PLXNA2: variants seen among roughly 807,000 people sequenced by gnomAD.
The protein encoded by PLXNA2 is plexin-A2.
PLXNA2 carries 91 observed loss-of-function variants against 193.5 expected under a neutral mutation model. That is an observed-to-expected ratio of 0.47 (90% CI 0.40 to 0.56). The LOEUF (loss-of-function observed/expected upper bound fraction) is 0.56. Ranked by LOEUF, PLXNA2 falls within the 20% of genes least tolerant of loss-of-function variation. The pLI is 0.00. For synonymous variants in PLXNA2, 997 were observed against 1,027.3 expected, an observed-to-expected ratio of 0.97 and a Z score of 0.56; for missense variants, 1,995 against 2,503.2, an observed-to-expected ratio of 0.80 and a Z score of 4.33.
chr1:208,059,308 C>A (rs1198168999), intron 13 of PLXNA2, among the ~76,000 whole-genome samples: 1 of 152,232 alleles, frequency 6.6e-6, no homozygotes, highest in Admixed American at 6.5e-5. Context: ...GTCCTATAGG[C>A]CCAGCCAGCC....
intron 3 of PLXNA2, among the ~76,000 whole-genome samples, chr1:208,191,952 C>T (rs773014708): frequency 1.4e-4 from 21 of 152,156 alleles, no homozygotes; most frequent in African/African-American, 1.9e-4. Flanking sequence ...CAGGGATCCA[C>T]GAGGCGATTC....
At position 208,217,703 on chromosome 1, in the gene PLXNA2, T is replaced by A. The variant is rs1338215116; in HGVS notation, c.220A>T (p.Thr74Ser). 1.2e-6 allele frequency: 2 copies of A among 1,614,208 alleles called. No individual in the cohort carries two copies. Among genetic ancestry groups the A allele is most frequent in the Non-Finnish European group, 1.7e-6 (2 of 1,180,036 alleles). The change falls in exon 2 of 32, where the codon ACA becomes TCA. Residue 74 changes from threonine (T) to serine (S), a missense_variant. Thr to Ser is a moderately conservative substitution (Grantham distance 58, BLOSUM62 1). Coordinates refer to ENST00000367033, the MANE Select transcript of PLXNA2 (RefSeq NM_025179.4). This position sits in a 1 kb window ranked among gnomAD's most constrained non-coding sequence, Gnocchi z 4.7. ...VGAINRVYKL[T>S]GNLTIQVAHK... ...GCCACCTGGATGGTCAGGTTGCCTG[T>A]CAGCTTATAGACCCGGTTGATGGCC...
Position 208,180,110 on chromosome 1 carries a change from T to G in PLXNA2, c.1371+30170A>C, listed in dbSNP as rs116862989. Among the ~76,000 whole-genome samples, 2,470 of 151,708 alleles carry G rather than the reference T, an allele frequency of 0.016. 117 individuals carry two copies. The East Asian group carries it at 0.19, about 11-fold the overall frequency. On this transcript the variant is annotated intron_variant, in intron 3 of 31. Coordinates refer to ENST00000367033, the MANE Select transcript of PLXNA2 (RefSeq NM_025179.4). ...ATGCAGTGACTTGTGAACATGTGCT[T>G]GGGTTGTTCCTCCTCCACAACAGGC... is the stretch of plus-strand genomic sequence containing the variant.
At chr1:208,091,914 G>A (rs914413872) in intron 9 of PLXNA2, among the ~76,000 whole-genome samples, 2 of 150,390 alleles carry the variant, frequency 1.3e-5, no homozygotes, top group African/African-American at 4.9e-5. Context: ...ATGCTACATT[G>A]TCACTTATTA....
At chr1:208,116,249 T>C (rs905588636) in intron 4 of PLXNA2, among the ~76,000 whole-genome samples, 2 of 152,250 alleles carry the variant, frequency 1.3e-5, no homozygotes, top group African/African-American at 4.8e-5. Flanking sequence ...GCCTGCCCAA[T>C]TGGCATGAGT....
intron 21 of PLXNA2, 21 bp from the exon 22 acceptor site, chr1:208,042,387 G>C: frequency 6.2e-7 from 1 of 1,607,968 alleles, no homozygotes; most frequent in African/African-American, 1.3e-5. Flanking sequence ...GTGTGGTGGA[G>C]GCGACGCCCT....
Position 208,216,876 on chromosome 1 carries a change from C to G in PLXNA2, c.1047G>C (p.Pro349=), listed in dbSNP as rs141719903. 6.2e-7 allele frequency: 1 copy of G among 1,614,150 alleles called. No homozygotes were observed. Among genetic ancestry groups the G allele is most frequent in the East Asian group, 2.2e-5 (1 of 44,880 alleles). Residue 349 remains proline, a synonymous_variant, in exon 2 of 32, where the codon CCG becomes CCC. Coordinates refer to ENST00000367033, the MANE Select transcript of PLXNA2 (RefSeq NM_025179.4). ...FSKGQKQYHH[P]PDDSALCAFP... ...AGGCACACAGGGCAGAGTCATCGGG[C>G]GGGTGGTGATACTGCTTCTGCCCTT...
chr1:208,034,167 C>A (rs1020343343), intron 27 of PLXNA2, among the ~76,000 whole-genome samples: 1 of 152,262 alleles, frequency 6.6e-6, no homozygotes, highest in South Asian at 2.1e-4. Context: ...TCAGCCAGGA[C>A]AACAAGCATA....
At chr1:208,096,579 G>C (rs1666898789) in intron 7 of PLXNA2, 151 bp downstream of exon 7, 1 of 848,970 alleles carries the variant, frequency 1.2e-6, no homozygotes, top group South Asian at 1.8e-5. Context: ...TCACTTTGGG[G>C]CATGACAGTT....
rs1371879882 is a variant in PLXNA2, at chr1:208,218,110, CCTT to C, written c.-80-111_-80-109del. The stretch of plus-strand genomic sequence containing the variant: ...CCTGGTTTAGCTCTGTGAGTCTCCT[CCTT>C]CTGCATTTTGGTTTTTCTATTTTTA... On this transcript the variant is annotated intron_variant, in intron 1 of 31. Transcript: ENST00000367033. 3.4e-6 allele frequency: 3 copies of C among 887,250 alleles called. No individual in the cohort carries two copies. In the African/African-American group the frequency reaches 5.0e-5, roughly 15 times the overall value. 55.0% of individuals were successfully genotyped at this position (887,250 alleles called of 1,614,324 possible). A position where few individuals can be genotyped will look rare whatever the true frequency, so the allele number is the denominator to read the frequency against.
intron 3 of PLXNA2, among the ~76,000 whole-genome samples, chr1:208,187,981 C>T (rs908088816): frequency 2.0e-5 from 3 of 152,182 alleles, no homozygotes; most frequent in African/African-American, 7.2e-5. Context: ...GGTGATTTCC[C>T]CAAGGTCAGT....
chr1:208,103,641 C>A (rs1246069691), intron 4 of PLXNA2, among the ~76,000 whole-genome samples: 10 of 152,200 alleles, frequency 6.6e-5, no homozygotes, highest in Non-Finnish European at 1.3e-4. Context: ...GCTGAGACAT[C>A]CTGCCTACAC....
At chr1:208,131,121 C>T (rs1294947886) in intron 4 of PLXNA2, among the ~76,000 whole-genome samples, 1 of 152,152 alleles carries the variant, frequency 6.6e-6, no homozygotes, top group Non-Finnish European at 1.5e-5. Flanking sequence ...GCACCCAGAG[C>T]CCTGGCCCAC....
chr1:208,031,612 G>C lies in PLXNA2; in HGVS notation c.5203C>G (p.Arg1735Gly). The stretch of plus-strand genomic sequence containing the variant: ...TACCAGTTGCTTTTCCAGGTGTGCC[G>C]CACATCTGTGTCATGGATGCTGTGC... ...DRHSIHDTDV[R>G]HTWKSNCLPL... Residue 1735 changes from arginine (R) to glycine (G), a missense_variant, in exon 29 of 32, where the codon CGG (arginine) becomes GGG (glycine). By Grantham distance (125) the Arg-to-Gly change is moderately radical. Coordinates refer to ENST00000367033, the MANE Select transcript of PLXNA2 (RefSeq NM_025179.4). 6.2e-7 allele frequency: 1 copy of C among 1,613,972 alleles called. No homozygotes were observed. The highest frequency in any genetic ancestry group is 1.1e-5 in the South Asian group (1 of 91,062).
In PLXNA2 at chr1:208,098,432, C is replaced by CCTCT. The variant is rs200790325; in HGVS notation, c.1731+410_1731+413dup. 1.4e-3 allele frequency among the ~76,000 whole-genome samples: 193 copies of CCTCT among 137,340 alleles called. 1 individual carries two copies. The South Asian group carries it at 0.015, about 11-fold the overall frequency. The allele number at this position is 137,340 out of a possible 152,430, so 90.1% of individuals were successfully genotyped here. A position where few individuals can be genotyped will look rare whatever the true frequency, so the allele number is the denominator to read the frequency against. On this transcript the variant is annotated intron_variant, in intron 6 of 31. Coordinates refer to ENST00000367033, the MANE Select transcript of PLXNA2 (RefSeq NM_025179.4). ...AGTCTCTTTCTTGCTCTTATTCTTT[C>CCTCT]CTCTCTCTCTCTCTCTCTCTCTCTC...
At chr1:208,076,875 G>T (rs1476378682) in intron 12 of PLXNA2, among the ~76,000 whole-genome samples, 1 of 152,062 alleles carries the variant, frequency 6.6e-6, no homozygotes, top group Non-Finnish European at 1.5e-5. Flanking sequence ...ATTATACTGT[G>T]GTTATGTAAG....
At chr1:208,119,891 G>A (rs896314966) in intron 4 of PLXNA2, among the ~76,000 whole-genome samples, 6 of 152,202 alleles carry the variant, frequency 3.9e-5, no homozygotes, top group African/African-American at 1.4e-4. Context: ...TGGGATTACA[G>A]GCATGAGCCA....
At position 208,038,164 on chromosome 1, in the gene PLXNA2, G is replaced by GT. The variant is rs1664734925; in HGVS notation, c.4764+206dup. ...AGACCTGTTAAATCTGTTTCTGAGG[G>GT]TGGAGTTTGGTCACTCACGTTTTTT... is the stretch of plus-strand genomic sequence containing the variant. On this transcript the variant is annotated intron_variant, in intron 26 of 31. Transcript: ENST00000367033. This position sits in a 1 kb window ranked among gnomAD's most constrained non-coding sequence, Gnocchi z 4.1. Among the ~76,000 whole-genome samples, 1 of 152,178 alleles carries GT rather than the reference G, an allele frequency of 6.6e-6. No individual in the cohort carries two copies. The highest frequency in any genetic ancestry group is 2.4e-5 in the African/African-American group (1 of 41,432).
At chr1:208,178,475 C>A (rs374388835) in intron 3 of PLXNA2, among the ~76,000 whole-genome samples, 30 of 152,304 alleles carry the variant, frequency 2.0e-4, no homozygotes, top group African/African-American at 6.7e-4. Context: ...CCCAGCACCC[C>A]CTTGAGGAAG....
Sources: gnomAD v4.1 joint callset for allele counts (sites outside exome capture counted in the v4.1 genomes callset) on GRCh38, gnomAD v4.1.1 for gene constraint, Gnocchi (gnomAD v3.1) non-coding constraint, MANE v1.5 for transcripts, NCBI Gene and HGNC (gene_info 2026-07-23, HGNC 2026-07-21) for gene names.